The following ERICH2 variants were observed in gnomAD, a reference collection of about 807,000 sequenced individuals.
ERICH2 encodes the protein glutamate-rich protein 2.
Under a neutral mutation model 17.4 loss-of-function variants are expected in ERICH2, and 17 were observed. The observed-to-expected ratio is 0.98, with a 90% CI of 0.67 to 1.47. The LOEUF is 1.47. ERICH2 is among the 40% of genes most tolerant of loss of function. ERICH2 has a pLI of 0.00. For missense variants in ERICH2, 186 were observed against 183.2 expected (o/e 1.01, Z -0.09); for synonymous variants, 51 against 61.1 (o/e 0.83, Z 0.77).
intron 2 of ERICH2, among the ~76,000 whole-genome samples, chr2:170,791,174 A>G (rs946839923): frequency 6.6e-6 from 1 of 152,200 alleles, no homozygotes; most frequent in Admixed American, 6.5e-5. Flanking sequence ...TTAAAAATAT[A>G]AGAATTCTAT....
At chr2:170,783,895 G>A (rs750554671) in intron 1 of ERICH2, 41 of 1,550,440 alleles carry the variant, frequency 2.6e-5, no homozygotes, top group Admixed American at 5.9e-5. Flanking sequence ...TAACACAACC[G>A]TCATACTCTT....
At chr2:170,777,351 A>T in the ERICH2 span, 3 of 959,774 alleles carry the variant, frequency 3.1e-6, no homozygotes, top group Non-Finnish European at 3.8e-6. Context: ...TAATAATGCT[A>T]GTTTTTATTT....
upstream of ERICH2, among the ~76,000 whole-genome samples, chr2:170,782,001 A>G (rs1701041065): frequency 6.6e-6 from 1 of 152,250 alleles, no homozygotes; most frequent in African/African-American, 2.4e-5. Context: ...GCTCTGTGTT[A>G]AAGAACTCTG....
chr2:170,789,769 A>G lies in ERICH2; in HGVS notation c.217-3094A>G, dbSNP rs78565089. 3.9e-3 allele frequency among the ~76,000 whole-genome samples: 594 copies of G among 152,352 alleles called. 5 individuals are homozygous for G. The highest frequency in any genetic ancestry group is 0.013 in the African/African-American group (546 of 41,586). ...ATACTTCTTTTCTTTTTCTGAGGCT[A>G]GTATTAATATAATGCTTCATTAAAT... On this transcript the variant is annotated intron_variant, in intron 2 of 4. Transcript: ENST00000409885.
chr2:170,793,255 C>T (rs1701334327), intron 3 of ERICH2, among the ~76,000 whole-genome samples: 1 of 152,194 alleles, frequency 6.6e-6, no homozygotes, highest in South Asian at 2.1e-4. Flanking sequence ...CTTAACTGAG[C>T]ATGCATTTAT....
At chr2:170,775,644 TTA>T in the ERICH2 span, 2 of 152,332 alleles carry the variant, frequency 1.3e-5, no homozygotes, top group Non-Finnish European at 2.9e-5. Flanking sequence ...AATCTTTCAT[TTA>T]TCCTAGAGTT....
chr2:170,774,088 T>C, the ERICH2 span, among the ~76,000 whole-genome samples: 1 of 152,228 alleles, frequency 6.6e-6, no homozygotes, highest in Non-Finnish European at 1.5e-5. Flanking sequence ...AACTGTGCTG[T>C]TCCCATTGCC....
At chr2:170,785,107 G>A (rs78849635) in intron 2 of ERICH2, among the ~76,000 whole-genome samples, 2,052 of 152,122 alleles carry the variant, frequency 0.013, 57 homozygotes, top group African/African-American at 0.044. Flanking sequence ...GTATACTTTA[G>A]CCAGAAGAGA....
chr2:170,784,722 A>G, exon 2 of ERICH2: 1 of 1,546,654 alleles, frequency 6.5e-7, no homozygotes, highest in Non-Finnish European at 8.7e-7. Context: ...TTGATGATAA[A>G]TTGTCAGAAT....
intron 2 of ERICH2, among the ~76,000 whole-genome samples, chr2:170,788,535 G>A (rs572500369): frequency 1.1e-4 from 17 of 152,052 alleles, no homozygotes; most frequent in Non-Finnish European, 2.2e-4. Context: ...TCAGTGGCGT[G>A]ATCTCGGCTC....
chr2:170,791,015 C>T (rs1283402118), intron 2 of ERICH2, among the ~76,000 whole-genome samples: 1 of 151,630 alleles, frequency 6.6e-6, no homozygotes, highest in Admixed American at 6.6e-5. Flanking sequence ...AACTTTAATT[C>T]AAACTAAAAA....
At chr2:170,786,382 G>A (rs62168406) in intron 2 of ERICH2, among the ~76,000 whole-genome samples, 8,803 of 151,852 alleles carry the variant, frequency 0.058, 353 homozygotes, top group South Asian at 0.13. Flanking sequence ...AGAGATATCC[G>A]TTGTTCTTAT....
upstream of ERICH2, chr2:170,783,647 G>A: frequency 1.5e-6 from 1 of 673,508 alleles, no homozygotes; most frequent in Admixed American, 2.7e-5. Flanking sequence ...CTCCTGGAGA[G>A]AGGACTGCTT....
chr2:170,776,788 T>G, the ERICH2 span, among the ~76,000 whole-genome samples: 1 of 152,042 alleles, frequency 6.6e-6, no homozygotes, highest in Non-Finnish European at 1.5e-5. Context: ...TAACTTTCAT[T>G]TTAGGTTTGG....
chr2:170,794,105 C>CTTTTTTTTTTTTTTTTTTTTTTTTTTTTT (rs59152667), intron 3 of ERICH2, among the ~76,000 whole-genome samples: 1 of 88,168 alleles, frequency 1.1e-5, no homozygotes. Context: ...TCCTTTCTTT[C>CTTTTTTTTTTTTTTTTTTTTTTTTTTTTT]TTTTTTTTTT....
Position 170,784,848 on chromosome 2 carries a change from T to G in ERICH2, c.216+15T>G. On this transcript the variant is annotated intron_variant, in intron 2 of 4. Coordinates refer to ENST00000409885, the Ensembl canonical transcript of ERICH2. ...TAATGGCAGAAGTAAGTTTTACTTG[T>G]GCATATAATTGAAGAAACTTTAAAA... 1 of 1,411,282 alleles carries G rather than the reference T, an allele frequency of 7.1e-7. No individual in the cohort carries two copies. The highest frequency in any genetic ancestry group is 9.3e-7 in the Non-Finnish European group (1 of 1,079,778). The allele number at this position is 1,411,282 out of a possible 1,614,324, so 87.4% of individuals were successfully genotyped here.
At chr2:170,779,649 C>A, upstream of ERICH2, 1 of 167,122 alleles carries the variant, frequency 6.0e-6, no homozygotes, top group Non-Finnish European at 1.2e-5. Flanking sequence ...GGGAATATGG[C>A]TGAAGCAAAT....
chr2:170,782,800 C>G (rs2105689312), upstream of ERICH2, among the ~76,000 whole-genome samples: 1 of 152,248 alleles, frequency 6.6e-6, no homozygotes, highest in East Asian at 1.9e-4. Flanking sequence ...AAAAAACAGG[C>G]CAGCTATAGT....
chr2:170,775,875 C>CTT, the ERICH2 span, among the ~76,000 whole-genome samples: 143,995 of 152,194 alleles, frequency 0.95, 68,637 homozygotes, highest in East Asian at 1. Flanking sequence ...AAAATAAAAA[C>CTT]AATACGAAAT....
Sources: gnomAD v4.1 joint callset for allele counts (sites outside exome capture counted in the v4.1 genomes callset) on GRCh38, gnomAD v4.1.1 for gene constraint, MANE v1.5 for transcripts, NCBI Gene and HGNC (gene_info 2026-07-23, HGNC 2026-07-21) for gene names.